Variants in CHEK1 observed in about 807,000 individuals in gnomAD.
CHEK1 encodes the protein serine/threonine-protein kinase Chk1.
A neutral mutation model predicts 60.2 loss-of-function variants in CHEK1; 32 were observed. That is an observed-to-expected ratio of 0.53 (90% confidence interval 0.40 to 0.71). CHEK1 has a LOEUF of 0.71. CHEK1 is among the 30% of genes least tolerant of loss of function. CHEK1 has a pLI of 0.00. For synonymous variants in CHEK1, 179 were observed against 187.2 expected (o/e 0.96, Z 0.36); for missense variants, 399 against 564.6 (o/e 0.71, Z 2.97).
intron 11 of CHEK1, among the ~76,000 whole-genome samples, chr11:125,650,698 G>T (rs916261217): frequency 7.2e-5 from 11 of 151,900 alleles, no homozygotes; most frequent in Admixed American, 2.6e-4. Context: ...AGGTGGCTGG[G>T]ATTACAGGTG....
intron 13 of CHEK1, among the ~76,000 whole-genome samples, chr11:125,666,710 C>A (rs1250316886): frequency 2.6e-5 from 4 of 152,150 alleles, no homozygotes; most frequent in Non-Finnish European, 1.5e-5. Flanking sequence ...ATTTTTATTT[C>A]TCTCGCTATA....
chr11:125,650,462 T>TTTTG (rs1274195352), intron 11 of CHEK1, among the ~76,000 whole-genome samples: 1 of 150,046 alleles, frequency 6.7e-6, no homozygotes, highest in Non-Finnish European at 1.5e-5. Context: ...GTGTTTGTTT[T>TTTTG]TTTTTTTTTT....
intron 12 of CHEK1, 103 bp from the exon 13 acceptor site, chr11:125,655,122 A>C (rs913284057): frequency 6.6e-5 from 51 of 778,530 alleles, no homozygotes; most frequent in Non-Finnish European, 2.7e-5. Flanking sequence ...ACATACCTAA[A>C]GATGTTTGTC....
At position 125,626,802 on chromosome 11, in the gene CHEK1, G is replaced by T. The variant is rs200520758; in HGVS notation, c.34G>T (p.Val12Leu). The change falls in exon 2 of 13, where the codon GTG (valine) becomes TTG (leucine). Residue 12 changes from valine to leucine, a missense_variant. By Grantham distance (32) the Val-to-Leu change is conservative. Around this residue, in one of 2 missense-constraint regions of CHEK1, gnomAD observed 370 missense variants for 494.8 expected, o/e 0.75. Transcript: ENST00000438015. ...AVPFVEDWDLVQTLGEGAYGE... is the reference protein window; with the variant it reads ...AVPFVEDWDLLQTLGEGAYGE... ...GCCCTTTGTGGAAGACTGGGACTTG[G>T]TGCAAACCCTGGGAGAAGGTGCCTA... The T allele has an allele frequency of 7.9e-5, 127 of 1,614,050 alleles. 1 individual carries two copies. Among genetic ancestry groups the T allele is most frequent in the Non-Finnish European group, 4.3e-5 (51 of 1,180,042 alleles).
chr11:125,645,430 A>G (rs1219584122), intron 11 of CHEK1, among the ~76,000 whole-genome samples: 6 of 152,328 alleles, frequency 3.9e-5, no homozygotes, highest in South Asian at 2.1e-4. Context: ...GTTAATGTCA[A>G]TGAAAGACAA....
exon 14 of CHEK1, chr11:125,676,001 G>T (rs1378470658): frequency 4.0e-4 from 74 of 185,562 alleles, no homozygotes; most frequent in Non-Finnish European, 3.4e-5. Context: ...TCCGTCTCCT[G>T]GGTTCAAGCG....
At chr11:125,628,350 T>A (rs1006543602) in intron 3 of CHEK1, among the ~76,000 whole-genome samples, 1 of 152,212 alleles carries the variant, frequency 6.6e-6, no homozygotes, top group Admixed American at 6.5e-5. Flanking sequence ...AGGATTGATA[T>A]TTCAGAACAC....
intron 12 of CHEK1, among the ~76,000 whole-genome samples, chr11:125,654,613 A>AC (rs546035870): frequency 5.9e-5 from 9 of 152,174 alleles, no homozygotes; most frequent in Non-Finnish European, 1.0e-4. Context: ...CTAAGATGAT[A>AC]GTATTACAGC....
intron 7 of CHEK1, chr11:125,636,173 AAT>A (rs1347683786): frequency 3.3e-5 from 5 of 152,290 alleles, no homozygotes; most frequent in African/African-American, 1.2e-4. Flanking sequence ...ATGTAAAATG[AAT>A]ATATGTATAT....
At chr11:125,672,551 G>A in intron 13 of CHEK1, 4 of 1,609,182 alleles carry the variant, frequency 2.5e-6, no homozygotes, top group Non-Finnish European at 2.5e-6. Context: ...AGTGATGGAG[G>A]CTTTTTACTG....
At chr11:125,669,040 A>G (rs1942149018) in intron 13 of CHEK1, among the ~76,000 whole-genome samples, 1 of 152,110 alleles carries the variant, frequency 6.6e-6, no homozygotes, top group African/African-American at 2.4e-5. Flanking sequence ...TGTCATATAT[A>G]TCTACTTACA....
At chr11:125,677,740 G>A, downstream of CHEK1, 1 of 1,597,818 alleles carries the variant, frequency 6.3e-7, no homozygotes, top group South Asian at 1.1e-5. Context: ...TTTTCTTGAT[G>A]TGTTCCCCAT....
At chr11:125,630,879 G>T (rs1479590462) in intron 5 of CHEK1, among the ~76,000 whole-genome samples, 1 of 151,962 alleles carries the variant, frequency 6.6e-6, no homozygotes, top group Non-Finnish European at 1.5e-5. Context: ...AATAAATTAT[G>T]AAATGCATGG....
Position 125,655,399 on chromosome 11 carries a change from T to C in CHEK1, c.*79T>C, listed in dbSNP as rs952890763. ...TTATTCTTCCTAGAGAAGATTATCC[T>C]GTCCTGCAAACTGCAAATAGTAGTT... On this transcript the variant is annotated 3_prime_UTR_variant, in exon 13 of 13. Coordinates refer to ENST00000438015, the MANE Select transcript of CHEK1 (RefSeq NM_001114122.3). 3.6e-5 allele frequency: 36 copies of C among 992,732 alleles called. No individual in the cohort carries two copies. Among genetic ancestry groups the C allele is most frequent in the Non-Finnish European group, 5.0e-5 (33 of 658,840 alleles). 61.5% of individuals were successfully genotyped at this position (992,732 alleles called of 1,614,324 possible).
intron 2 of CHEK1, among the ~76,000 whole-genome samples, chr11:125,627,192 T>A (rs1249805451): frequency 2.6e-5 from 4 of 152,206 alleles, no homozygotes; most frequent in Non-Finnish European, 4.4e-5. Context: ...CTTCTTAATG[T>A]CATTGTGTAC....
rs1565383988 is a variant in CHEK1, at chr11:125,656,071, T to TA, written c.*754dup. On this transcript the variant is annotated 3_prime_UTR_variant, in exon 13 of 13. Transcript: ENST00000438015. Reference sequence around the variant, plus strand: ...TACTGGTGACCAAGCTTTTAGGTGATAAAGAATAAAAGAGGGAAGGGAAGA... The same window carrying TA: ...TACTGGTGACCAAGCTTTTAGGTGATAAAAGAATAAAAGAGGGAAGGGAAGA... 1 of 212,010 alleles carries TA rather than the reference T, an allele frequency of 4.7e-6. No homozygotes were observed. Among genetic ancestry groups the TA allele is most frequent in the Non-Finnish European group, 9.5e-6 (1 of 104,824 alleles). 13.1% of individuals were successfully genotyped at this position (212,010 alleles called of 1,614,324 possible).
At chr11:125,632,427 A>G (rs1342898908) in intron 5 of CHEK1, among the ~76,000 whole-genome samples, 1 of 152,114 alleles carries the variant, frequency 6.6e-6, no homozygotes, top group African/African-American at 2.4e-5. Flanking sequence ...TTGCTCTAAG[A>G]TCCTATAGTG....
intron 6 of CHEK1, among the ~76,000 whole-genome samples, chr11:125,633,896 G>C (rs1233184115): frequency 6.6e-6 from 1 of 151,874 alleles, no homozygotes. Context: ...GTGCCAACCT[G>C]GTCATGTTTT....
intron 11 of CHEK1, among the ~76,000 whole-genome samples, chr11:125,648,681 A>G (rs552456430): frequency 7.4e-6 from 1 of 134,448 alleles, no homozygotes; most frequent in African/African-American, 2.8e-5. Flanking sequence ...CTTTTTGTTT[A>G]GTTGTCCTGG....
Sources: allele counts gnomAD v4.1 joint callset (sites outside exome capture counted in the v4.1 genomes callset), GRCh38; gene constraint gnomAD v4.1.1; regional missense constraint gnomAD v4.1.1; transcripts MANE v1.5; gene names NCBI Gene and HGNC (gene_info 2026-07-23, HGNC 2026-07-21).